Variants in WDR37 observed in about 807,000 individuals in gnomAD.
WDR37 encodes the protein WD repeat domain 37.
A neutral mutation model predicts 62.9 loss-of-function variants in WDR37; 19 were observed. The observed-to-expected ratio is 0.30, with a 90% CI of 0.21 to 0.44. The LOEUF (loss-of-function observed/expected upper bound fraction) is 0.44, where lower values mean the gene tolerates loss of function less well. WDR37 is among the 20% of genes least tolerant of loss of function. The pLI is 1.00. For missense variants in WDR37, 474 were observed against 657.6 expected, an observed-to-expected ratio of 0.72 and a Z score of 3.05; for synonymous variants, 250 against 260.9, an observed-to-expected ratio of 0.96 and a Z score of 0.40.
rs74667939 is a variant in WDR37 at position 1,076,344 on chromosome 10, G to A, written c.139-1563G>A. On this transcript the variant is annotated intron_variant, in intron 2 of 13. Coordinates refer to ENST00000263150, the MANE Select transcript of WDR37 (RefSeq NM_014023.4). ...CCCTAAAATTTCTGTCTTTTAAGTT[G>A]ATCTCAGAAGGATTTAATAAATATA... is the stretch of plus-strand genomic sequence containing the variant. 8.8e-3 allele frequency among the ~76,000 whole-genome samples: 1,345 copies of A among 152,084 alleles called. 13 individuals are homozygous for A. Among genetic ancestry groups the A allele is most frequent in the African/African-American group, 0.021 (869 of 41,472 alleles).
intron 13 of WDR37, among the ~76,000 whole-genome samples, chr10:1,127,708 T>C (rs1273373340): frequency 6.6e-6 from 1 of 152,054 alleles, no homozygotes; most frequent in Non-Finnish European, 1.5e-5. Flanking sequence ...CGCAAGGGTC[T>C]CTGTGACGTG....
intron 7 of WDR37, among the ~76,000 whole-genome samples, chr10:1,092,438 T>C (rs891086652): frequency 1.3e-5 from 2 of 151,318 alleles, no homozygotes; most frequent in Non-Finnish European, 3.0e-5. Flanking sequence ...TCGCGGATCT[T>C]GGCTCACTGC....
intron 13 of WDR37, among the ~76,000 whole-genome samples, chr10:1,127,298 T>C (rs1393194292): frequency 6.6e-6 from 1 of 152,250 alleles, no homozygotes; most frequent in Non-Finnish European, 1.5e-5. Context: ...TTGTTGATGT[T>C]GTAGGATTCT....
chr10:1,107,119 C>T (rs1383758568), intron 11 of WDR37, among the ~76,000 whole-genome samples: 4 of 152,230 alleles, frequency 2.6e-5, no homozygotes, highest in South Asian at 2.1e-4. Flanking sequence ...CCATGAGCTC[C>T]GCCACATGGG....
At chr10:1,081,045 A>AT (rs1429729007) in intron 5 of WDR37, among the ~76,000 whole-genome samples, 18 of 152,316 alleles carry the variant, frequency 1.2e-4, no homozygotes, top group Admixed American at 5.9e-4. Context: ...AATTGGCTTA[A>AT]TATAAAGGGT....
At chr10:1,109,888 A>T (rs148322958) in intron 11 of WDR37, among the ~76,000 whole-genome samples, 8 of 152,220 alleles carry the variant, frequency 5.3e-5, no homozygotes, top group African/African-American at 1.9e-4. Context: ...ATGTCTTCCT[A>T]TTGGAATCAG....
chr10:1,102,229 G>A (rs1279259708), intron 9 of WDR37, among the ~76,000 whole-genome samples: 2 of 149,428 alleles, frequency 1.3e-5, no homozygotes, highest in Non-Finnish European at 3.0e-5. Flanking sequence ...GCGTCCCTGC[G>A]ACGTGCGATC....
chr10:1,101,308 G>A (rs1834792873), intron 9 of WDR37, among the ~76,000 whole-genome samples: 1 of 152,230 alleles, frequency 6.6e-6, no homozygotes, highest in South Asian at 2.1e-4. Flanking sequence ...GAGGGTGTGA[G>A]CAGGGCTGGT....
chr10:1,110,341 C>A (rs951390455), intron 11 of WDR37, among the ~76,000 whole-genome samples: 3 of 152,194 alleles, frequency 2.0e-5, no homozygotes, highest in African/African-American at 7.2e-5. Flanking sequence ...TTTAGACGTG[C>A]CTCATAATGA....
intron 1 of WDR37, among the ~76,000 whole-genome samples, chr10:1,060,909 C>G (rs985665003): frequency 6.6e-6 from 1 of 152,170 alleles, no homozygotes; most frequent in African/African-American, 2.4e-5. Flanking sequence ...GGGTTGTAGG[C>G]TAGGAGCAGC....
intron 11 of WDR37, among the ~76,000 whole-genome samples, chr10:1,123,114 A>G (rs191672271): frequency 6.6e-5 from 10 of 152,232 alleles, no homozygotes; most frequent in African/African-American, 1.9e-4. Flanking sequence ...CGGTTCCTCG[A>G]GCCTCTCCCT....
rs1211535582 is a variant in WDR37 at position 1,121,621 on chromosome 10, C to A, written c.1104-2597C>A. On this transcript the variant is annotated intron_variant, in intron 11 of 13. Coordinates refer to ENST00000263150, the MANE Select transcript of WDR37 (RefSeq NM_014023.4). The surrounding 1 kb of genome is among the most constrained non-coding windows in gnomAD (Gnocchi z 4.5). ...TGTGATGCCGTGGTTTCCAGTTGGG[C>A]AGTTTCCCCCCAGGAGACAGTGTTT... Among the ~76,000 whole-genome samples, 1 of 152,178 alleles carries A rather than the reference C, an allele frequency of 6.6e-6. No homozygotes were observed. The highest frequency in any genetic ancestry group is 2.4e-5 in the African/African-American group (1 of 41,440).
At chr10:1,092,470 A>G (rs1405118992) in intron 7 of WDR37, among the ~76,000 whole-genome samples, 1 of 151,444 alleles carries the variant, frequency 6.6e-6, no homozygotes, top group Non-Finnish European at 1.5e-5. Flanking sequence ...CCCTGGGTTC[A>G]TGCCATTCTC....
At chr10:1,112,932 C>T (rs549471780) in intron 11 of WDR37, among the ~76,000 whole-genome samples, 89 of 152,248 alleles carry the variant, frequency 5.8e-4, no homozygotes, top group Non-Finnish European at 1.0e-3. Flanking sequence ...GCAGCAAGTT[C>T]TCCAGAAGAT....
chr10:1,128,795 G>T (rs529186165), intron 13 of WDR37, among the ~76,000 whole-genome samples: 1 of 151,902 alleles, frequency 6.6e-6, no homozygotes. Context: ...CGTCCTGGCG[G>T]CTCTGCCGTG....
chr10:1,067,609 A>C (rs566137129), intron 1 of WDR37, among the ~76,000 whole-genome samples: 2 of 152,340 alleles, frequency 1.3e-5, no homozygotes, highest in African/African-American at 4.8e-5. Context: ...AATGGGTGTG[A>C]AGAGACACCT....
intron 5 of WDR37, among the ~76,000 whole-genome samples, chr10:1,084,162 G>A (rs1410088860): frequency 1.3e-5 from 2 of 152,168 alleles, no homozygotes; most frequent in African/African-American, 4.8e-5. Flanking sequence ...TCAGACTGAG[G>A]TGGGGGAGCC....
chr10:1,124,657 AGTGTGTGTGT>A (rs10522293), intron 12 of WDR37, among the ~76,000 whole-genome samples: 40,497 of 148,802 alleles, frequency 0.27, 6,036 homozygotes, highest in East Asian at 0.33. Context: ...ACCATTGAGC[AGTGTGTGTGT>A]GTGTGTGTGT....
intron 1 of WDR37, among the ~76,000 whole-genome samples, chr10:1,060,962 T>G (rs569019480): frequency 1.3e-5 from 2 of 152,326 alleles, no homozygotes; most frequent in South Asian, 4.1e-4. Flanking sequence ...GCTGTGCACC[T>G]AGCTTTGTGT....
Sources: gnomAD v4.1 joint callset for allele counts (sites outside exome capture counted in the v4.1 genomes callset) on GRCh38, gnomAD v4.1.1 for gene constraint, Gnocchi (gnomAD v3.1) non-coding constraint, MANE v1.5 for transcripts, NCBI Gene and HGNC (gene_info 2026-07-23, HGNC 2026-07-21) for gene names.